ATP5MJ: variants seen among roughly 807,000 people sequenced by gnomAD.
ATP5MJ encodes ATP synthase membrane subunit j.
A neutral mutation model predicts 8.3 loss-of-function variants in ATP5MJ; 4 were observed. The ratio of observed to expected loss-of-function variants is 0.48; its 90% CI spans 0.24 to 1.11. ATP5MJ has a LOEUF of 1.11. ATP5MJ is among the 50% of genes least tolerant of loss of function. The probability of loss-of-function intolerance (pLI) is 0.18; values close to 1 mark genes in which losing one functional copy is unlikely to be tolerated. For synonymous variants in ATP5MJ, 23 were observed against 21.3 expected, an observed-to-expected ratio of 1.08 and a Z score of -0.23; for missense variants, 66 against 71.8, an observed-to-expected ratio of 0.92 and a Z score of 0.29.
intron 2 of ATP5MJ, 177 bp from the exon 3 acceptor site, chr14:103,914,161 A>C: frequency 4.8e-6 from 3 of 625,190 alleles, no homozygotes; most frequent in East Asian, 2.7e-5. Context: ...TTCTATGAAC[A>C]GCTAACAGCC....
In ATP5MJ at chr14:103,912,542, G is replaced by T; in HGVS notation, c.*124C>A. On this transcript the variant is annotated 3_prime_UTR_variant, in exon 4 of 4. Transcript: ENST00000286953. ...GCATCTCACAGATCCATTTATTCAT[G>T]CCATGAAGTAAACGGTACTTATACA... The T allele has an allele frequency of 1.0e-6, 1 of 992,752 alleles. No homozygotes were observed. The allele number at this position is 992,752 out of a possible 1,614,324, so 61.5% of individuals were successfully genotyped here.
At chr14:103,920,683 G>A (rs955318912) in intron 1 of ATP5MJ, among the ~76,000 whole-genome samples, 8 of 150,492 alleles carry the variant, frequency 5.3e-5, no homozygotes, top group Non-Finnish European at 1.0e-4. Flanking sequence ...TGTTGGTAAG[G>A]ATGGTCTCGA....
intron 1 of ATP5MJ, among the ~76,000 whole-genome samples, chr14:103,917,774 C>T (rs570387705): frequency 6.6e-6 from 1 of 152,152 alleles, no homozygotes; most frequent in African/African-American, 2.4e-5. Context: ...AAGTGCTTTT[C>T]GTACTTACTT....
intron 1 of ATP5MJ, among the ~76,000 whole-genome samples, chr14:103,915,408 A>G (rs2087617365): frequency 6.6e-6 from 1 of 151,910 alleles, no homozygotes; most frequent in Admixed American, 6.6e-5. Context: ...GTGCAGTGGC[A>G]CAATCTTGGC....
At chr14:103,914,978 C>T in intron 2 of ATP5MJ, 88 bp downstream of exon 2, 1 of 1,553,834 alleles carries the variant, frequency 6.4e-7, no homozygotes, top group South Asian at 1.1e-5. Context: ...TAGTTAGAAC[C>T]CATAGTTCCT....
chr14:103,914,539 C>T (rs1188609784), intron 2 of ATP5MJ: 1 of 689,950 alleles, frequency 1.4e-6, no homozygotes, highest in Non-Finnish European at 2.7e-6. Flanking sequence ...GTGGCTCACG[C>T]TTGTTAATTC....
At chr14:103,921,168 TG>T in intron 1 of ATP5MJ, 1 of 771,704 alleles carries the variant, frequency 1.3e-6, no homozygotes, top group Non-Finnish European at 2.1e-6. Flanking sequence ...GCGTAGCCTC[TG>T]GGTTAGGCAG....
At chr14:103,916,158 C>T (rs2087623964) in intron 1 of ATP5MJ, among the ~76,000 whole-genome samples, 1 of 152,044 alleles carries the variant, frequency 6.6e-6, no homozygotes, top group Non-Finnish European at 1.5e-5. Context: ...TAATAACTGC[C>T]AATTAAGATA....
At position 103,915,649 on chromosome 14, in the gene ATP5MJ, T is replaced by C. The variant is rs2087619801; in HGVS notation, c.1-460A>G. On this transcript the variant is annotated intron_variant, in intron 1 of 3. Transcript: ENST00000286953. The stretch of plus-strand genomic sequence containing the variant: ...AGGTGTGAGCCACTGTGCCTGGCCA[T>C]TTTTTTTTTTTTTTTTTAAAGCAGA... Among the ~76,000 whole-genome samples the C allele has an allele frequency of 3.5e-5, 3 of 85,754 alleles. No homozygotes were observed. In the South Asian group the frequency reaches 1.2e-3, roughly 33 times the overall value. 56.3% of individuals were successfully genotyped at this position (85,754 alleles called of 152,430 possible).
chr14:103,917,414 T>C (rs907043846), intron 1 of ATP5MJ, among the ~76,000 whole-genome samples: 39 of 152,324 alleles, frequency 2.6e-4, no homozygotes, highest in African/African-American at 7.9e-4. Context: ...GAGGCTAGCA[T>C]AGAATTTAGC....
intron 3 of ATP5MJ, chr14:103,913,470 G>C (rs2087597018): frequency 5.6e-6 from 1 of 179,496 alleles, no homozygotes; most frequent in Non-Finnish European, 1.2e-5. Flanking sequence ...CATTAGCCAG[G>C]CGTGGCGGCA....
rs374930049 is a variant in ATP5MJ at position 103,912,587 on chromosome 14, C to T, written c.*79G>A. 13 of 1,430,410 alleles carry T rather than the reference C, an allele frequency of 9.1e-6. No individual in the cohort carries two copies. Among genetic ancestry groups the T allele is most frequent in the East Asian group, 2.3e-5 (1 of 43,980 alleles). 88.6% of individuals were successfully genotyped at this position (1,430,410 alleles called of 1,614,324 possible). Reference sequence around the variant, plus strand: ...TATACAAGTGTACAGTGACGTTCCACGCTCCCCATCTAACACGGCTTGCTG... The same window carrying T: ...TATACAAGTGTACAGTGACGTTCCATGCTCCCCATCTAACACGGCTTGCTG... On this transcript the variant is annotated 3_prime_UTR_variant, in exon 4 of 4. Coordinates refer to ENST00000286953, the MANE Select transcript of ATP5MJ (RefSeq NM_004894.3).
At chr14:103,921,145 C>T in intron 1 of ATP5MJ, 1 of 961,276 alleles carries the variant, frequency 1.0e-6, no homozygotes, top group Non-Finnish European at 1.6e-6. Context: ...TGGACTCTGG[C>T]TTCTCTAACT....
intron 1 of ATP5MJ, chr14:103,920,876 G>T: frequency 8.9e-7 from 1 of 1,119,456 alleles, no homozygotes; most frequent in Non-Finnish European, 1.3e-6. Context: ...GGCCAAACGT[G>T]TGTCTACTGT....
At chr14:103,914,852 A>AAG (rs2087611747) in intron 2 of ATP5MJ, 1 of 460,070 alleles carries the variant, frequency 2.2e-6, no homozygotes, top group Non-Finnish European at 3.6e-6. Flanking sequence ...AAAAAAAAAA[A>AAG]AAAAAGAAAA....
intron 2 of ATP5MJ, chr14:103,914,844 A>AAAAAAAAG (rs2087611101): frequency 1.2e-5 from 5 of 425,176 alleles, no homozygotes; most frequent in East Asian, 4.7e-5. Context: ...CTCCAAAAAA[A>AAAAAAAAG]AAAAAAAAAA....
chr14:103,917,037 G>A (rs1197165226), intron 1 of ATP5MJ, among the ~76,000 whole-genome samples: 1 of 152,160 alleles, frequency 6.6e-6, no homozygotes, highest in Non-Finnish European at 1.5e-5. Flanking sequence ...GCATGTACTA[G>A]GTGCCAGACA....
chr14:103,913,809 T>A, intron 3 of ATP5MJ, 152 bp downstream of exon 3: 1 of 829,832 alleles, frequency 1.2e-6, no homozygotes, highest in East Asian at 2.8e-5. Flanking sequence ...CCAGCAGGCA[T>A]AGCAAACTTC....
intron 1 of ATP5MJ, among the ~76,000 whole-genome samples, chr14:103,918,550 C>T (rs1049853438): frequency 6.6e-6 from 1 of 151,822 alleles, no homozygotes; most frequent in African/African-American, 2.4e-5. Context: ...TTAGTAGAGA[C>T]TTGGTTTCAC....
Sources: gnomAD v4.1 joint callset for allele counts (sites outside exome capture counted in the v4.1 genomes callset) on GRCh38, gnomAD v4.1.1 for gene constraint, MANE v1.5 for transcripts, NCBI Gene and HGNC (gene_info 2026-07-23, HGNC 2026-07-21) for gene names.